PCDHGA4: variants seen among roughly 807,000 people sequenced by gnomAD.
PCDHGA4 encodes protocadherin gamma subfamily A, 4, also known as protocadherin gamma-A4.
PCDHGA4 carries 38 observed loss-of-function variants against 54.6 expected under a neutral mutation model. That is an observed-to-expected ratio of 0.70 (90% CI 0.54 to 0.91). The LOEUF (loss-of-function observed/expected upper bound fraction) is 0.91. Among genes scored for constraint, PCDHGA4 ranks in the 40% least tolerant of loss-of-function variants. The pLI is 0.00. For synonymous variants in PCDHGA4, 511 were observed against 512.9 expected (o/e 1.00, Z 0.05); for missense variants, 1,298 against 1,220.9 (o/e 1.06, Z -0.94).
chr5:141,402,845 C>T (rs1273253699), intron 1 of PCDHGA4: 3 of 1,405,122 alleles, frequency 2.1e-6, no homozygotes, highest in Non-Finnish European at 2.8e-6. Flanking sequence ...AAAACTCAGC[C>T]TCTTTCTTCT....
intron 1 of PCDHGA4, among the ~76,000 whole-genome samples, chr5:141,455,253 C>T (rs187877877): frequency 6.6e-6 from 1 of 151,986 alleles, no homozygotes; most frequent in East Asian, 1.9e-4. Flanking sequence ...ATAGTACAAT[C>T]GCATTTCTTC....
At chr5:141,380,354 T>G (rs1776410216) in intron 1 of PCDHGA4, among the ~76,000 whole-genome samples, 1 of 152,154 alleles carries the variant, frequency 6.6e-6, no homozygotes, top group Admixed American at 6.5e-5. Context: ...TTGTTGTTTG[T>G]TTTTTAGAAA....
intron 1 of PCDHGA4, chr5:141,404,701 G>T (rs563319884): frequency 6.2e-7 from 1 of 1,614,074 alleles, no homozygotes; most frequent in African/African-American, 1.3e-5. Flanking sequence ...GCTCTGCAGA[G>T]CCTGGCTACC....
chr5:141,417,618 G>C, intron 1 of PCDHGA4: 3 of 654,348 alleles, frequency 4.6e-6, no homozygotes, highest in Non-Finnish European at 7.4e-6. Flanking sequence ...CCAGTGCAGA[G>C]CAAGCGCTGA....
intron 1 of PCDHGA4, chr5:141,423,756 GGGGGT>G: frequency 1.1e-5 from 5 of 448,566 alleles, no homozygotes; most frequent in African/African-American, 2.8e-5. Context: ...TGTTTGGGGG[GGGGGT>G]GGGGCGGCAT....
Position 141,370,705 on chromosome 5 carries a change from T to C in PCDHGA4, c.2514+13084T>C, listed in dbSNP as rs766733768. ...TGTGGCAAGAAGTCGACGTGTGTTC[T>C]GGAATTTGAAATGGTTGCTGAAAAG... On this transcript the variant is annotated intron_variant, in intron 1 of 3. Transcript: ENST00000571252. The C allele has an allele frequency of 5.0e-6, 8 of 1,613,842 alleles. No individual in the cohort carries two copies. Among genetic ancestry groups the C allele is most frequent in the Non-Finnish European group, 6.8e-6 (8 of 1,179,894 alleles).
chr5:141,483,442 AATCATCAGGACTTGTTG>A (rs2099581330), intron 1 of PCDHGA4, among the ~76,000 whole-genome samples: 1 of 152,196 alleles, frequency 6.6e-6, no homozygotes, highest in Non-Finnish European at 1.5e-5. Context: ...ACTACAATAA[AATCATCAGGACTTGTTG>A]ATTGACATGA....
At chr5:141,401,805 G>C (rs1307812903) in intron 1 of PCDHGA4, among the ~76,000 whole-genome samples, 1 of 152,132 alleles carries the variant, frequency 6.6e-6, no homozygotes, top group Non-Finnish European at 1.5e-5. Context: ...TTCAGTAAAT[G>C]GGTTCCTTAC....
intron 1 of PCDHGA4, among the ~76,000 whole-genome samples, chr5:141,450,099 C>T (rs2098669229): frequency 6.6e-6 from 1 of 151,500 alleles, no homozygotes; most frequent in African/African-American, 2.4e-5. Flanking sequence ...CTCCGCCTCC[C>T]AGGTTCAAAT....
At chr5:141,400,819 C>A (rs1316119038) in intron 1 of PCDHGA4, among the ~76,000 whole-genome samples, 1 of 152,132 alleles carries the variant, frequency 6.6e-6, no homozygotes, top group African/African-American at 2.4e-5. Flanking sequence ...TTTACCTATT[C>A]GTTGTCTCAT....
chr5:141,393,041 T>G, intron 1 of PCDHGA4: 2 of 1,613,702 alleles, frequency 1.2e-6, no homozygotes, highest in Non-Finnish European at 1.7e-6. Flanking sequence ...AGCTCTTTGC[T>G]CTGAACCCGC....
intron 1 of PCDHGA4, chr5:141,408,119 C>T (rs1271219465): frequency 6.8e-7 from 1 of 1,474,944 alleles, no homozygotes; most frequent in African/African-American, 1.4e-5. Flanking sequence ...CTCCTCCTGT[C>T]CTGGGCCGAA....
chr5:141,364,890 A>G (rs765566914), intron 1 of PCDHGA4: 2 of 1,613,858 alleles, frequency 1.2e-6, no homozygotes, highest in African/African-American at 2.7e-5. Flanking sequence ...AGCGGAACTG[A>G]TGGACAAAAG....
chr5:141,422,117 C>A, intron 1 of PCDHGA4: 1 of 1,604,272 alleles, frequency 6.2e-7, no homozygotes, highest in East Asian at 2.2e-5. Context: ...CAATTGGATT[C>A]ACAAACTGGA....
chr5:141,495,199 G>A (rs1205495643), intron 2 of PCDHGA4, among the ~76,000 whole-genome samples: 1 of 152,164 alleles, frequency 6.6e-6, no homozygotes, highest in African/African-American at 2.4e-5. Context: ...CCCATGTACT[G>A]CCTAACCCCC....
intron 1 of PCDHGA4, chr5:141,433,086 C>A (rs747501244): frequency 1.9e-6 from 3 of 1,614,208 alleles, no homozygotes; most frequent in African/African-American, 2.7e-5. Context: ...CCCAACTATG[C>A]AGACATGCTC....
At chr5:141,400,339 A>G in intron 1 of PCDHGA4, 1 of 1,613,986 alleles carries the variant, frequency 6.2e-7, no homozygotes. Flanking sequence ...GGTTCCCCCC[A>G]ACTACAGTCA....
At position 141,505,425 on chromosome 5, in the gene PCDHGA4, C is replaced by G; in HGVS notation, c.2606C>G (p.Pro869Arg). 1 of 1,614,178 alleles carries G rather than the reference C, an allele frequency of 6.2e-7. No individual in the cohort carries two copies. Among genetic ancestry groups the G allele is most frequent in the Non-Finnish European group, 8.5e-7 (1 of 1,180,014 alleles). ...SQNGDDTGTW[P>R]NNQFDTEMLQ... ...AATGGCGATGACACCGGCACCTGGC[C>G]CAACAACCAGTTTGACACAGAGATG... The change falls in exon 3 of 4, where the codon CCC becomes CGC. Residue 869 changes from proline to arginine, a missense_variant. Transcript: ENST00000571252.
At chr5:141,414,679 G>A in intron 1 of PCDHGA4, 1 of 1,613,960 alleles carries the variant, frequency 6.2e-7, no homozygotes. Flanking sequence ...CACCATCCAG[G>A]GGGTACCTCT....
Sources: gnomAD v4.1 joint callset for allele counts (sites outside exome capture counted in the v4.1 genomes callset) on GRCh38, gnomAD v4.1.1 for gene constraint, MANE v1.5 for transcripts, NCBI Gene and HGNC (gene_info 2026-07-23, HGNC 2026-07-21) for gene names.